CSMD1: variants seen among roughly 807,000 people sequenced by gnomAD.
CSMD1 encodes the protein CUB and Sushi multiple domains 1.
Under a neutral mutation model 417.5 loss-of-function variants are expected in CSMD1, and 213 were observed. The observed-to-expected ratio is 0.51, with a 90% confidence interval of 0.46 to 0.57. The LOEUF (loss-of-function observed/expected upper bound fraction) is 0.57. CSMD1 is among the 20% of genes least tolerant of loss of function. CSMD1 has a pLI of 0.00. For missense variants in CSMD1, 6,923 were observed against 4,529.7 expected, an observed-to-expected ratio of 1.53 and a Z score of -15.17; for synonymous variants, 2,862 against 1,736.8, an observed-to-expected ratio of 1.65 and a Z score of -16.11.
At chr8:2,949,190 T>C (rs1802452980) in intron 68 of CSMD1, 109 bp downstream of exon 68, 1 of 641,578 alleles carries the variant, frequency 1.6e-6, no homozygotes, top group South Asian at 1.8e-5. Flanking sequence ...TCTCTCTCAT[T>C]ATTTTTGTTT....
intron 2 of CSMD1, among the ~76,000 whole-genome samples, chr8:4,586,960 G>C (rs1799729958): frequency 6.6e-6 from 1 of 152,190 alleles, no homozygotes; most frequent in Non-Finnish European, 1.5e-5. Flanking sequence ...CTGTGTAAGA[G>C]AGGTTACATC....
chr8:3,644,457 G>T lies in CSMD1; in HGVS notation c.1010-27660C>A, dbSNP rs142942297. On this transcript the variant is annotated intron_variant, in intron 7 of 69. Transcript: ENST00000635120. ...ATAGGCACGGTAGAAAGAAAAGAGA[G>T]CAACTCTATGTGCTCCTTGGACATC... is the stretch of plus-strand genomic sequence containing the variant. Among the ~76,000 whole-genome samples, 186 of 152,298 alleles carry T rather than the reference G, an allele frequency of 1.2e-3. 1 individual carries two copies. Among genetic ancestry groups the T allele is most frequent in the Middle Eastern group, 0.01 (3 of 294 alleles).
chr8:4,479,047 G>C (rs1351418699), intron 2 of CSMD1, among the ~76,000 whole-genome samples: 1 of 152,138 alleles, frequency 6.6e-6, no homozygotes, highest in Non-Finnish European at 1.5e-5. Context: ...GAGTATGGCA[G>C]GGGCTCAATG....
chr8:4,199,524 A>G (rs2131248432), intron 3 of CSMD1, among the ~76,000 whole-genome samples: 1 of 152,306 alleles, frequency 6.6e-6, no homozygotes, highest in Non-Finnish European at 1.5e-5. Context: ...TTTAAATATA[A>G]GCGATCATCA....
chr8:3,273,011 G>T (rs1027766240), intron 26 of CSMD1, among the ~76,000 whole-genome samples: 4 of 151,314 alleles, frequency 2.6e-5, no homozygotes, highest in Non-Finnish European at 5.9e-5. Flanking sequence ...TCTTGTGCCA[G>T]TCTTCAAAGG....
intron 2 of CSMD1, among the ~76,000 whole-genome samples, chr8:4,422,264 T>G (rs182701443): frequency 4.9e-4 from 74 of 152,188 alleles, no homozygotes; most frequent in African/African-American, 1.7e-3. Context: ...TGTAAGTGGA[T>G]AGAATGCTTT....
At chr8:4,289,944 C>G (rs1797269892) in intron 3 of CSMD1, among the ~76,000 whole-genome samples, 1 of 152,124 alleles carries the variant, frequency 6.6e-6, no homozygotes, top group Non-Finnish European at 1.5e-5. Context: ...CATTATTGAC[C>G]TCTTCTTGAG....
At chr8:4,931,268 A>G (rs1364184467) in intron 1 of CSMD1, among the ~76,000 whole-genome samples, 1 of 152,078 alleles carries the variant, frequency 6.6e-6, no homozygotes, top group East Asian at 1.9e-4. Context: ...TCTGTGTTTG[A>G]CATTACTTTT....
At chr8:3,446,092 T>G (rs1466237929) in intron 12 of CSMD1, among the ~76,000 whole-genome samples, 1 of 152,052 alleles carries the variant, frequency 6.6e-6, no homozygotes, top group Non-Finnish European at 1.5e-5. Flanking sequence ...AAAGTTGAAA[T>G]GGACTAAAAA....
chr8:4,679,320 C>G (rs1266489069), intron 1 of CSMD1, among the ~76,000 whole-genome samples: 1 of 152,156 alleles, frequency 6.6e-6, no homozygotes, highest in Non-Finnish European at 1.5e-5. Flanking sequence ...AAGTTGACAC[C>G]TTCTGCCCAT....
chr8:4,421,805 A>G (rs1402740278), intron 2 of CSMD1, among the ~76,000 whole-genome samples: 2 of 151,848 alleles, frequency 1.3e-5, no homozygotes, highest in African/African-American at 4.8e-5. Context: ...TAAAGCAAAC[A>G]GAAAGCAAAA....
intron 2 of CSMD1, among the ~76,000 whole-genome samples, chr8:4,455,736 G>A (rs566734698): frequency 8.6e-4 from 131 of 151,594 alleles, no homozygotes; most frequent in South Asian, 1.7e-3. Context: ...TTCAAGACCA[G>A]CCTGGCCAAC....
intron 1 of CSMD1, among the ~76,000 whole-genome samples, chr8:4,725,047 C>T (rs1418297950): frequency 1.3e-5 from 2 of 152,014 alleles, no homozygotes; most frequent in African/African-American, 2.4e-5. Flanking sequence ...CTATTTTAAA[C>T]ATAAAAGGGG....
chr8:4,741,437 T>C (rs142164795), intron 1 of CSMD1, among the ~76,000 whole-genome samples: 1,606 of 152,324 alleles, frequency 0.011, 22 homozygotes, highest in African/African-American at 0.025. Flanking sequence ...TGTTTTTATT[T>C]TTAAATGTTG....
At chr8:4,200,974 A>G (rs1799612033) in intron 3 of CSMD1, among the ~76,000 whole-genome samples, 1 of 152,168 alleles carries the variant, frequency 6.6e-6, no homozygotes, top group African/African-American at 2.4e-5. Flanking sequence ...TTGTCTTATT[A>G]GTTTACTTTT....
intron 26 of CSMD1, among the ~76,000 whole-genome samples, chr8:3,265,826 G>T (rs560870332): frequency 3.3e-5 from 5 of 152,192 alleles, no homozygotes; most frequent in Admixed American, 2.6e-4. Flanking sequence ...GTTTTGCTTG[G>T]TGGAGACCTG....
At chr8:4,426,154 T>A (rs950864856) in intron 2 of CSMD1, among the ~76,000 whole-genome samples, 4 of 151,636 alleles carry the variant, frequency 2.6e-5, no homozygotes, top group African/African-American at 9.7e-5. Context: ...CCAGACAGCA[T>A]ATACAGAGGC....
intron 4 of CSMD1, among the ~76,000 whole-genome samples, chr8:3,998,603 T>C (rs1257021667): frequency 2.6e-5 from 4 of 152,188 alleles, no homozygotes; most frequent in South Asian, 2.1e-4. Flanking sequence ...CAGATAGCTA[T>C]TGAGTAACAT....
intron 7 of CSMD1, among the ~76,000 whole-genome samples, chr8:3,646,927 A>T (rs758836706): frequency 2.0e-5 from 3 of 152,144 alleles, no homozygotes; most frequent in Admixed American, 6.6e-5. Flanking sequence ...ATACAAAAAA[A>T]ATTTAAAACC....
Sources: gnomAD v4.1 joint callset for allele counts (sites outside exome capture counted in the v4.1 genomes callset) on GRCh38, gnomAD v4.1.1 for gene constraint, MANE v1.5 for transcripts, NCBI Gene and HGNC (gene_info 2026-07-23, HGNC 2026-07-21) for gene names.